SGCZ: variants seen among roughly 807,000 people sequenced by gnomAD.
The protein encoded by SGCZ is sarcoglycan zeta.
In SGCZ, 40 loss-of-function variants were observed where a neutral mutation model predicts 41.3. The ratio of observed to expected loss-of-function variants is 0.97; its 90% CI spans 0.75 to 1.26. The LOEUF is 1.26. Ranked by LOEUF, SGCZ falls within the 50% of genes most tolerant of loss-of-function variation. The pLI is 0.00. For synonymous variants in SGCZ, 206 were observed against 137.5 expected, an observed-to-expected ratio of 1.50 and a Z score of -3.49; for missense variants, 552 against 369.8, an observed-to-expected ratio of 1.49 and a Z score of -4.04.
intron 1 of SGCZ, among the ~76,000 whole-genome samples, chr8:14,591,281 C>A (rs1805231437): frequency 6.6e-6 from 1 of 151,818 alleles, no homozygotes; most frequent in African/African-American, 2.4e-5. Context: ...CAAACTAAGT[C>A]TACTTAGAAA....
intron 1 of SGCZ, among the ~76,000 whole-genome samples, chr8:14,575,529 T>C (rs186033982): frequency 1.6e-4 from 25 of 152,304 alleles, no homozygotes; most frequent in African/African-American, 5.3e-4. Context: ...GTTTCTGTAA[T>C]AGTAAAATAT....
At chr8:15,010,613 G>A (rs1802790436) in intron 1 of SGCZ, among the ~76,000 whole-genome samples, 1 of 152,182 alleles carries the variant, frequency 6.6e-6, no homozygotes, top group Admixed American at 6.5e-5. Flanking sequence ...CATGAGGGTT[G>A]ACTGGAATGA....
chr8:15,150,154 G>A (rs1334329211), intron 1 of SGCZ, among the ~76,000 whole-genome samples: 1 of 152,016 alleles, frequency 6.6e-6, no homozygotes, highest in Non-Finnish European at 1.5e-5. Context: ...TTTATCTATT[G>A]TCTGGATATT....
In SGCZ at chr8:14,856,929, T is replaced by G. The variant is rs376281894; in HGVS notation, c.40-302003A>C. 3.9e-5 allele frequency among the ~76,000 whole-genome samples: 6 copies of G among 152,280 alleles called. No individual in the cohort carries two copies. In the South Asian group the frequency reaches 8.3e-4, roughly 21 times the overall value. ...AGTCAGTGTCAATAACAGTTATTTCTAGGTCATATGGTTTGGATCCGTGTC... is the reference window on the plus strand; with the variant it reads ...AGTCAGTGTCAATAACAGTTATTTCGAGGTCATATGGTTTGGATCCGTGTC... On this transcript the variant is annotated intron_variant, in intron 1 of 7. Transcript: ENST00000382080.
chr8:14,325,031 G>A (rs1160565003), intron 2 of SGCZ, among the ~76,000 whole-genome samples: 1 of 152,124 alleles, frequency 6.6e-6, no homozygotes, highest in African/African-American at 2.4e-5. Context: ...GCAATGGAGA[G>A]TACATTTTGG....
chr8:14,995,947 G>A lies in SGCZ; in HGVS notation c.39+241638C>T, dbSNP rs375734636. Among the ~76,000 whole-genome samples, 526 of 151,776 alleles carry A rather than the reference G, an allele frequency of 3.5e-3. 4 individuals are homozygous for A. The highest frequency in any genetic ancestry group is 0.012 in the African/African-American group (503 of 41,372). On this transcript the variant is annotated intron_variant, in intron 1 of 7. Coordinates refer to ENST00000382080, the MANE Select transcript of SGCZ (RefSeq NM_139167.4). ...GAGATGGAATCTTGCTCTGTTGTCC[G>A]GGGTGGAGTGCAGTGGTGTGATCTC...
chr8:15,038,186 C>T (rs550222122), intron 1 of SGCZ, among the ~76,000 whole-genome samples: 327 of 152,208 alleles, frequency 2.1e-3, no homozygotes, highest in African/African-American at 7.6e-3. Context: ...GAAGGTATTA[C>T]ACTGACTGAC....
chr8:14,531,507 A>G (rs1008088836), intron 2 of SGCZ, among the ~76,000 whole-genome samples: 1 of 152,032 alleles, frequency 6.6e-6, no homozygotes, highest in Admixed American at 6.6e-5. Context: ...CCAAACTGCA[A>G]GGGTGGAAAA....
At chr8:14,450,635 T>C (rs1355601856) in intron 2 of SGCZ, among the ~76,000 whole-genome samples, 2 of 152,308 alleles carry the variant, frequency 1.3e-5, no homozygotes, top group South Asian at 4.1e-4. Flanking sequence ...AAAAAAAGTA[T>C]GAGGATGTGT....
intron 2 of SGCZ, among the ~76,000 whole-genome samples, chr8:14,347,763 A>G (rs768356070): frequency 1.3e-5 from 2 of 152,102 alleles, no homozygotes; most frequent in Admixed American, 6.6e-5. Flanking sequence ...CATGGGAAAG[A>G]ACATCAATGA....
At chr8:15,209,436 C>A (rs868305832) in intron 1 of SGCZ, among the ~76,000 whole-genome samples, 1 of 147,078 alleles carries the variant, frequency 6.8e-6, no homozygotes, top group Admixed American at 7.1e-5. Flanking sequence ...TTTTTATGGC[C>A]AAGCACAGGA....
intron 1 of SGCZ, among the ~76,000 whole-genome samples, chr8:14,908,340 G>A (rs993571674): frequency 6.6e-6 from 1 of 152,110 alleles, no homozygotes; most frequent in East Asian, 1.9e-4. Flanking sequence ...TATTTACCTA[G>A]TGGCCATTGT....
At position 14,648,229 on chromosome 8, in the gene SGCZ, G is replaced by C. The variant is rs537204133; in HGVS notation, c.40-93303C>G. 2.0e-5 allele frequency among the ~76,000 whole-genome samples: 3 copies of C among 152,176 alleles called. No individual in the cohort carries two copies. The East Asian group carries it at 5.8e-4, about 29-fold the overall frequency. On this transcript the variant is annotated intron_variant, in intron 1 of 7. Coordinates refer to ENST00000382080, the MANE Select transcript of SGCZ (RefSeq NM_139167.4). ...AAAAAATATTACAAACTTTAAAACA[G>C]ATAGGGTTAGTACTATCGGTAACCA...
intron 2 of SGCZ, among the ~76,000 whole-genome samples, chr8:14,346,823 G>A (rs572084702): frequency 2.9e-4 from 44 of 151,888 alleles, no homozygotes; most frequent in African/African-American, 8.4e-4. Context: ...ATTTGTGTGC[G>A]CGCATGTTTG....
At chr8:14,244,606 G>T (rs973035791) in intron 3 of SGCZ, among the ~76,000 whole-genome samples, 2 of 151,246 alleles carry the variant, frequency 1.3e-5, no homozygotes, top group Admixed American at 6.6e-5. Context: ...GAACTTTAAA[G>T]TAGTTTTTTC....
intron 1 of SGCZ, among the ~76,000 whole-genome samples, chr8:15,189,232 A>T (rs1800450141): frequency 6.6e-6 from 1 of 152,212 alleles, no homozygotes; most frequent in South Asian, 2.1e-4. Context: ...TGGAAGGTCA[A>T]TTTTGTCAGA....
At chr8:14,255,901 A>G (rs1799446273) in intron 3 of SGCZ, among the ~76,000 whole-genome samples, 1 of 152,146 alleles carries the variant, frequency 6.6e-6, no homozygotes, top group Non-Finnish European at 1.5e-5. Context: ...CAATAGCCCA[A>G]TTAGATACAA....
At chr8:14,620,899 G>A (rs1294142211) in intron 1 of SGCZ, among the ~76,000 whole-genome samples, 1 of 152,116 alleles carries the variant, frequency 6.6e-6, no homozygotes, top group Non-Finnish European at 1.5e-5. Context: ...CAAGGATCTA[G>A]AATTAGAAAT....
chr8:14,814,842 G>A (rs1243209074), intron 1 of SGCZ, among the ~76,000 whole-genome samples: 2 of 152,090 alleles, frequency 1.3e-5, no homozygotes, highest in Non-Finnish European at 2.9e-5. Context: ...ATTTTATAAA[G>A]AGGGCAATGT....
Sources: allele counts gnomAD v4.1 joint callset (sites outside exome capture counted in the v4.1 genomes callset), GRCh38; gene constraint gnomAD v4.1.1; transcripts MANE v1.5; gene names NCBI Gene and HGNC (gene_info 2026-07-23, HGNC 2026-07-21).